Variants in KIF13A observed in about 807,000 individuals in gnomAD.
KIF13A encodes kinesin family member 13A.
Under a neutral mutation model 212.2 loss-of-function variants are expected in KIF13A, and 79 were observed. The ratio of observed to expected loss-of-function variants is 0.37; its 90% CI spans 0.31 to 0.45. KIF13A has a LOEUF of 0.45. KIF13A is among the 20% of genes least tolerant of loss of function. The pLI is 1.00. For missense variants in KIF13A, 1,901 were observed against 2,209.0 expected (o/e 0.86, Z 2.79); for synonymous variants, 789 against 808.6 (o/e 0.98, Z 0.41).
At position 17,911,054 on chromosome 6, in the gene KIF13A, C is replaced by T. The variant is rs202175212; in HGVS notation, c.147-12874G>A. ...CTGGGATTACAGGCATGAGCCACCGCGCCCAGCCTAAATTCAAGTTTTATA... is the reference window on the plus strand; with the variant it reads ...CTGGGATTACAGGCATGAGCCACCGTGCCCAGCCTAAATTCAAGTTTTATA... On this transcript the variant is annotated intron_variant, in intron 2 of 38. Transcript: ENST00000259711. 7.9e-5 allele frequency among the ~76,000 whole-genome samples: 12 copies of T among 152,280 alleles called. No homozygotes were observed. In the East Asian group the frequency reaches 1.4e-3, roughly 17 times the overall value.
rs567890086 is a variant in KIF13A at position 17,895,699 on chromosome 6, G to T, written c.159+2469C>A. 6.6e-6 allele frequency among the ~76,000 whole-genome samples: 1 copy of T among 152,160 alleles called. No homozygotes were observed. Among genetic ancestry groups the T allele is most frequent in the South Asian group, 2.1e-4 (1 of 4,830 alleles). On this transcript the variant is annotated intron_variant, in intron 3 of 38. Transcript: ENST00000259711. This position sits in a 1 kb window ranked among gnomAD's most constrained non-coding sequence, Gnocchi z 4.4. ...TATGCATTTGCTCTGTCTTTAAGCC[G>T]CTCCTTCCTGAATGGCATATATCTA...
At chr6:17,759,996 G>C (rs1758515986), downstream of KIF13A, 1 of 152,086 alleles carries the variant, frequency 6.6e-6, no homozygotes, top group South Asian at 2.1e-4. Context: ...CCCAGTCATT[G>C]TCAACAGTTA....
Position 17,771,015 on chromosome 6 carries a change from AAT to A in KIF13A, c.4581+97_4581+98del. The A allele has an allele frequency of 1.3e-6, 1 of 776,362 alleles. No homozygotes were observed. The highest frequency in any genetic ancestry group is 2.1e-6 in the Non-Finnish European group (1 of 466,120). 48.1% of individuals were successfully genotyped at this position (776,362 alleles called of 1,614,324 possible). On this transcript the variant is annotated intron_variant, in intron 38 of 38. Coordinates refer to ENST00000259711, the MANE Select transcript of KIF13A (RefSeq NM_022113.6). This position sits in a 1 kb window ranked among gnomAD's most constrained non-coding sequence, Gnocchi z 5.4. ...TTTATTTTCTTTAAGACAAAGACCC[AAT>A]ACATGTCTTAATTTCTTCTAGCATT...
At position 17,856,286 on chromosome 6, in the gene KIF13A, C is replaced by A. The variant is rs1768127522; in HGVS notation, c.221-164G>T. 6.6e-6 allele frequency among the ~76,000 whole-genome samples: 1 copy of A among 152,186 alleles called. No homozygotes were observed. The highest frequency in any genetic ancestry group is 2.1e-4 in the South Asian group (1 of 4,830). On this transcript the variant is annotated intron_variant, in intron 4 of 38. Transcript: ENST00000259711. The surrounding 1 kb of genome is among the most constrained non-coding windows in gnomAD (Gnocchi z 4.5). Reference sequence around the variant, plus strand: ...ATTAAGAGCTTGATATATGCAATTTCATCCACACTTCTAAACTACAGCTCA... The same window carrying A: ...ATTAAGAGCTTGATATATGCAATTTAATCCACACTTCTAAACTACAGCTCA...
chr6:17,866,842 T>TGC (rs1769439846), intron 4 of KIF13A, among the ~76,000 whole-genome samples: 2 of 24,878 alleles, frequency 8.0e-5, no homozygotes, highest in South Asian at 2.3e-3. Context: ...TATATATATA[T>TGC]ATATATATAT....
intron 2 of KIF13A, among the ~76,000 whole-genome samples, chr6:17,948,557 CTTTTTTTTT>C (rs71002289): frequency 2.4e-5 from 2 of 84,148 alleles, no homozygotes; most frequent in African/African-American, 9.8e-5. Context: ...CATCCATTTA[CTTTTTTTTT>C]TTTTTTTTTT....
intron 2 of KIF13A, among the ~76,000 whole-genome samples, chr6:17,942,940 C>T (rs1777076493): frequency 6.6e-6 from 1 of 152,064 alleles, no homozygotes. Flanking sequence ...GATTGTGCCA[C>T]TACACTCCAG....
At chr6:17,896,037 C>T (rs1041689071) in intron 3 of KIF13A, among the ~76,000 whole-genome samples, 2 of 152,060 alleles carry the variant, frequency 1.3e-5, no homozygotes, top group African/African-American at 4.8e-5. Context: ...TCTAGAACCC[C>T]CATGTATACC....
chr6:17,780,214 A>T (rs1013964339), intron 31 of KIF13A, among the ~76,000 whole-genome samples: 5 of 152,184 alleles, frequency 3.3e-5, no homozygotes, highest in Non-Finnish European at 7.3e-5. Flanking sequence ...AATCTGCAGC[A>T]TGTTCAGGAT....
At chr6:17,940,683 A>G (rs1776879117) in intron 2 of KIF13A, among the ~76,000 whole-genome samples, 1 of 152,230 alleles carries the variant, frequency 6.6e-6, no homozygotes, top group Non-Finnish European at 1.5e-5. Context: ...TAATGGCTGC[A>G]TAATTAGCTT....
intron 2 of KIF13A, among the ~76,000 whole-genome samples, chr6:17,953,224 T>C (rs1053698245): frequency 5.9e-5 from 9 of 152,124 alleles, no homozygotes. Context: ...AAAAAGCAGG[T>C]TAGAGAACAG....
intron 26 of KIF13A, among the ~76,000 whole-genome samples, chr6:17,788,620 T>C (rs1375231442): frequency 6.6e-6 from 1 of 152,102 alleles, no homozygotes; most frequent in Non-Finnish European, 1.5e-5. Flanking sequence ...AATCCATCAA[T>C]TCTATTAAAA....
chr6:17,841,383 T>C (rs1309836032), intron 9 of KIF13A, among the ~76,000 whole-genome samples: 2 of 152,198 alleles, frequency 1.3e-5, no homozygotes, highest in African/African-American at 4.8e-5. Flanking sequence ...AAGTTATACC[T>C]ACCACTTTGG....
rs1443112675 is a variant in KIF13A, at chr6:17,914,471, T to C, written c.147-16291A>G. ...TTAATTTAACACAATAATGTTTACA[T>C]GGTCTATATGGGCATTTGCAAAATT... is the stretch of plus-strand genomic sequence containing the variant. On this transcript the variant is annotated intron_variant, in intron 2 of 38. Coordinates refer to ENST00000259711, the MANE Select transcript of KIF13A (RefSeq NM_022113.6). This position sits in a 1 kb window ranked among gnomAD's most constrained non-coding sequence, Gnocchi z 5.9. Among the ~76,000 whole-genome samples the C allele has an allele frequency of 6.6e-6, 1 of 152,232 alleles. No individual in the cohort carries two copies. The highest frequency in any genetic ancestry group is 1.9e-4 in the East Asian group (1 of 5,202).
At chr6:17,944,157 G>A (rs745694685) in intron 2 of KIF13A, among the ~76,000 whole-genome samples, 3 of 152,128 alleles carry the variant, frequency 2.0e-5, no homozygotes, top group Non-Finnish European at 4.4e-5. Flanking sequence ...GAGCCTTACC[G>A]CCTTTACCGC....
At position 17,900,413 on chromosome 6, in the gene KIF13A, C is replaced by T. The variant is rs1772945781; in HGVS notation, c.147-2233G>A. 6.6e-6 allele frequency among the ~76,000 whole-genome samples: 1 copy of T among 152,210 alleles called. No homozygotes were observed. Among genetic ancestry groups the T allele is most frequent in the South Asian group, 2.1e-4 (1 of 4,838 alleles). ...ACCAATCCTATTTCAGCATTTTAAGCACTTTAAAAGTCTTTCTCACTTAGA... is the reference window on the plus strand; with the variant it reads ...ACCAATCCTATTTCAGCATTTTAAGTACTTTAAAAGTCTTTCTCACTTAGA... On this transcript the variant is annotated intron_variant, in intron 2 of 38. Transcript: ENST00000259711. The surrounding 1 kb of genome is among the most constrained non-coding windows in gnomAD (Gnocchi z 4.6).
chr6:17,870,563 A>C (rs1291194947), intron 4 of KIF13A, among the ~76,000 whole-genome samples: 1 of 152,202 alleles, frequency 6.6e-6, no homozygotes, highest in Non-Finnish European at 1.5e-5. Flanking sequence ...GATATGGAAA[A>C]GAAAGAGAAA....
chr6:17,937,752 T>G (rs902051676), intron 2 of KIF13A, among the ~76,000 whole-genome samples: 77 of 123,680 alleles, frequency 6.2e-4, no homozygotes, highest in Middle Eastern at 4.4e-3. Flanking sequence ...TTTTGTTTTT[T>G]TTTTTTTGTT....
chr6:17,902,984 C>G (rs554683657), intron 2 of KIF13A, among the ~76,000 whole-genome samples: 1 of 152,182 alleles, frequency 6.6e-6, no homozygotes, highest in Non-Finnish European at 1.5e-5. Context: ...CACAATCCTA[C>G]AATTTTGGGG....
Sources: allele counts gnomAD v4.1 joint callset (sites outside exome capture counted in the v4.1 genomes callset), GRCh38; gene constraint gnomAD v4.1.1; non-coding constraint Gnocchi (gnomAD v3.1); transcripts MANE v1.5; gene names NCBI Gene and HGNC (gene_info 2026-07-23, HGNC 2026-07-21).